RSRC1: variants seen among roughly 807,000 people sequenced by gnomAD.
The protein encoded by RSRC1 is serine/Arginine-related protein 53.
In RSRC1, 39 loss-of-function variants were observed where a neutral mutation model predicts 49.1. That is an observed-to-expected ratio of 0.79 (90% confidence interval 0.61 to 1.04). RSRC1 has a LOEUF of 1.04. Among genes scored for constraint, RSRC1 ranks in the 50% least tolerant of loss-of-function variants. The pLI, the probability that RSRC1 is intolerant of heterozygous loss-of-function variation, is 0.00. For missense variants in RSRC1, 388 were observed against 402.4 expected (o/e 0.96, Z 0.31); for synonymous variants, 143 against 130.8 (o/e 1.09, Z -0.63).
At chr3:158,274,740 C>T (rs1725709982) in intron 4 of RSRC1, among the ~76,000 whole-genome samples, 1 of 152,166 alleles carries the variant, frequency 6.6e-6, no homozygotes, top group Non-Finnish European at 1.5e-5. Flanking sequence ...TATACTTTCA[C>T]TGAAAGTGGA....
At chr3:158,496,285 G>A (rs1184245322) in intron 7 of RSRC1, among the ~76,000 whole-genome samples, 1 of 152,066 alleles carries the variant, frequency 6.6e-6, no homozygotes, top group East Asian at 1.9e-4. Flanking sequence ...ATAGACTAGT[G>A]GTTTTCAAGC....
At chr3:158,464,586 T>A (rs1737783590) in intron 7 of RSRC1, among the ~76,000 whole-genome samples, 1 of 122,192 alleles carries the variant, frequency 8.2e-6, no homozygotes, top group African/African-American at 3.5e-5. Flanking sequence ...TTGTTTAAGT[T>A]TAAATTCATC....
chr3:158,342,948 C>G (rs549898975), intron 5 of RSRC1, among the ~76,000 whole-genome samples: 1 of 152,296 alleles, frequency 6.6e-6, no homozygotes, highest in South Asian at 2.1e-4. Context: ...CTAGTGGTCT[C>G]CTTGAGTTGA....
chr3:158,379,498 C>T (rs1315199115), intron 6 of RSRC1, among the ~76,000 whole-genome samples: 2 of 152,118 alleles, frequency 1.3e-5, no homozygotes, highest in Non-Finnish European at 2.9e-5. Context: ...CCACACCTGG[C>T]CAGAAATACC....
intron 4 of RSRC1, among the ~76,000 whole-genome samples, chr3:158,272,638 G>T (rs560280744): frequency 2.7e-4 from 41 of 151,934 alleles, no homozygotes; most frequent in African/African-American, 9.4e-4. Context: ...TAGTAACTGG[G>T]GGAAAAGGAA....
chr3:158,344,941 A>G lies in RSRC1; in HGVS notation c.532-9916A>G, dbSNP rs1578366388. Among the ~76,000 whole-genome samples the G allele has an allele frequency of 2.0e-5, 3 of 152,248 alleles. No individual in the cohort carries two copies. The South Asian group carries it at 6.2e-4, about 32-fold the overall frequency. On this transcript the variant is annotated intron_variant, in intron 5 of 9. Coordinates refer to ENST00000611884, the MANE Select transcript of RSRC1 (RefSeq NM_001271838.2). ...CATTATAAAATACCCAATCTAGGCC[A>G]GGCACGGTGGCTTACGCCTGTAATC...
chr3:158,515,709 C>T (rs1740481357), intron 7 of RSRC1, among the ~76,000 whole-genome samples: 1 of 147,612 alleles, frequency 6.8e-6, no homozygotes, highest in Admixed American at 6.8e-5. Flanking sequence ...AACTTGGTTC[C>T]ATTCTCCCCG....
At chr3:158,279,079 T>G (rs1725982728) in intron 4 of RSRC1, among the ~76,000 whole-genome samples, 1 of 152,234 alleles carries the variant, frequency 6.6e-6, no homozygotes, top group Non-Finnish European at 1.5e-5. Context: ...CCTTTTCTAT[T>G]CTTTTCTCAT....
intron 4 of RSRC1, among the ~76,000 whole-genome samples, chr3:158,275,362 C>T (rs1725747973): frequency 6.6e-6 from 1 of 152,146 alleles, no homozygotes; most frequent in Non-Finnish European, 1.5e-5. Context: ...CCTCCTCCCA[C>T]CCTACAATTT....
chr3:158,252,015 T>A (rs544388330), intron 4 of RSRC1, among the ~76,000 whole-genome samples: 44 of 152,318 alleles, frequency 2.9e-4, no homozygotes, highest in Admixed American at 9.8e-4. Flanking sequence ...TTTGAGGGTT[T>A]TTGTTATGAA....
intron 6 of RSRC1, among the ~76,000 whole-genome samples, chr3:158,411,845 A>G (rs911543284): frequency 2.0e-5 from 3 of 152,110 alleles, no homozygotes; most frequent in African/African-American, 7.2e-5. Context: ...AGCTATTGGT[A>G]TATCCTGGAT....
chr3:158,544,410 T>G lies in RSRC1; in HGVS notation c.*135T>G. 2.1e-6 allele frequency: 1 copy of G among 487,728 alleles called. No individual in the cohort carries two copies. Among genetic ancestry groups the G allele is most frequent in the South Asian group, 3.9e-5 (1 of 25,750 alleles). 30.2% of individuals were successfully genotyped at this position (487,728 alleles called of 1,614,324 possible). On this transcript the variant is annotated 3_prime_UTR_variant, in exon 10 of 10. Coordinates refer to ENST00000611884, the MANE Select transcript of RSRC1 (RefSeq NM_001271838.2). ...TAAAGGTAGTCTCATTTCATTTGTC[T>G]CTCATGTAGGCTTGAATATTTGTTA... is the stretch of plus-strand genomic sequence containing the variant.
At chr3:158,499,505 A>G (rs548597673) in intron 7 of RSRC1, among the ~76,000 whole-genome samples, 2 of 152,230 alleles carry the variant, frequency 1.3e-5, no homozygotes, top group Admixed American at 6.5e-5. Flanking sequence ...GATTCCACCC[A>G]TCCATGGTAT....
chr3:158,116,701 G>A (rs1054777739), intron 1 of RSRC1, among the ~76,000 whole-genome samples: 2 of 148,838 alleles, frequency 1.3e-5, no homozygotes, highest in Admixed American at 1.3e-4. Context: ...TAATGTTTTA[G>A]TGTTACAGTG....
intron 4 of RSRC1, among the ~76,000 whole-genome samples, chr3:158,249,345 C>G (rs1215610383): frequency 1.3e-5 from 2 of 152,188 alleles, no homozygotes; most frequent in African/African-American, 2.4e-5. Flanking sequence ...ATTCCTAGAG[C>G]TTTCTATAAA....
intron 7 of RSRC1, among the ~76,000 whole-genome samples, chr3:158,478,353 A>G (rs945694485): frequency 1.3e-5 from 2 of 151,854 alleles, no homozygotes; most frequent in African/African-American, 4.8e-5. Context: ...ACCTACATCT[A>G]TAAACATTTA....
intron 7 of RSRC1, among the ~76,000 whole-genome samples, chr3:158,502,731 T>C (rs1739660779): frequency 6.6e-6 from 1 of 152,172 alleles, no homozygotes; most frequent in South Asian, 2.1e-4. Context: ...GTTTTCTCTT[T>C]AAGCTATTTC....
intron 3 of RSRC1, among the ~76,000 whole-genome samples, chr3:158,188,522 A>G (rs577074752): frequency 6.6e-6 from 1 of 152,014 alleles, no homozygotes; most frequent in Non-Finnish European, 1.5e-5. Context: ...TAAAGGCAGT[A>G]AACTGAGGCA....
chr3:158,537,398 A>G (rs1712774254), intron 8 of RSRC1, among the ~76,000 whole-genome samples, 200 bp downstream of exon 8: 1 of 151,712 alleles, frequency 6.6e-6, no homozygotes, highest in South Asian at 2.1e-4. Flanking sequence ...AAAAAATGCT[A>G]TAAAATGTGT....
Sources: gnomAD v4.1 joint callset for allele counts (sites outside exome capture counted in the v4.1 genomes callset) on GRCh38, gnomAD v4.1.1 for gene constraint, MANE v1.5 for transcripts, NCBI Gene and HGNC (gene_info 2026-07-23, HGNC 2026-07-21) for gene names.